The following MTFR1 variants were observed in gnomAD, a reference collection of about 807,000 sequenced individuals.
MTFR1 encodes chondrocyte protein with a poly-proline region.
Under a neutral mutation model 38.8 loss-of-function variants are expected in MTFR1, and 28 were observed. The ratio of observed to expected loss-of-function variants is 0.72; its 90% CI spans 0.53 to 0.99. The LOEUF (loss-of-function observed/expected upper bound fraction) is 0.99, where lower values mean the gene tolerates loss of function less well. Ranked by LOEUF, MTFR1 falls within the 50% of genes least tolerant of loss-of-function variation. MTFR1 has a pLI of 0.00. For missense variants in MTFR1, 358 were observed against 395.5 expected (o/e 0.91, Z 0.81); for synonymous variants, 145 against 137.0 (o/e 1.06, Z -0.41).
chr8:65,760,229 C>A (rs773525038), intron 3 of MTFR1, among the ~76,000 whole-genome samples: 1 of 152,114 alleles, frequency 6.6e-6, no homozygotes, highest in Non-Finnish European at 1.5e-5. Flanking sequence ...AAGAGTGAGA[C>A]TCCTCAAAAC....
chr8:65,707,938 G>T lies in MTFR1; in HGVS notation c.860G>T (p.Arg287Leu). 6.2e-7 allele frequency: 1 copy of T among 1,614,016 alleles called. No homozygotes were observed. The highest frequency in any genetic ancestry group is 8.5e-7 in the Non-Finnish European group (1 of 1,179,960). ...ALKKKFAYRYRSDSQDEVEKG... is the reference protein window; with the variant it reads ...ALKKKFAYRYLSDSQDEVEKG... ...AAAAAGAAATTTGCTTATCGGTATC[G>T]AAGTGATAGCCAAGATGAAGTTGAA... is the stretch of plus-strand genomic sequence containing the variant. The change falls in exon 7 of 8, where the codon CGA becomes CTA. Residue 287 changes from arginine to leucine, a missense_variant. Transcript: ENST00000262146.
At chr8:65,767,675 G>A (rs1237777017) in intron 3 of MTFR1, among the ~76,000 whole-genome samples, 1 of 152,114 alleles carries the variant, frequency 6.6e-6, no homozygotes, top group Non-Finnish European at 1.5e-5. Context: ...AAGAGGACTG[G>A]GTTCTGGGTG....
At chr8:65,658,882 T>G (rs926897469) in intron 1 of MTFR1, among the ~76,000 whole-genome samples, 9 of 151,950 alleles carry the variant, frequency 5.9e-5, no homozygotes, top group African/African-American at 2.2e-4. Context: ...GAAAAATAGG[T>G]GACAGGAAAC....
At chr8:65,772,278 C>A (rs1290583966), downstream of MTFR1, among the ~76,000 whole-genome samples, 1 of 152,152 alleles carries the variant, frequency 6.6e-6, no homozygotes, top group Admixed American at 6.5e-5. Context: ...CACCTAGAAA[C>A]TATTTTTATT....
intron 3 of MTFR1, chr8:65,747,954 CTATTT>C (rs775977019): frequency 1.9e-5 from 9 of 480,402 alleles, no homozygotes; most frequent in South Asian, 4.2e-5. Flanking sequence ...TACTTTATTT[CTATTT>C]TATTTTATTT....
chr8:65,694,330 C>A (rs1038680309), intron 4 of MTFR1, among the ~76,000 whole-genome samples: 2 of 152,046 alleles, frequency 1.3e-5, no homozygotes, highest in South Asian at 4.1e-4. Flanking sequence ...CCGCCTTGCC[C>A]TCCTAAAGTG....
At chr8:65,676,910 G>A (rs569000534) in intron 2 of MTFR1, among the ~76,000 whole-genome samples, 2 of 151,972 alleles carry the variant, frequency 1.3e-5, no homozygotes, top group Non-Finnish European at 2.9e-5. Context: ...CCTCCTTGCT[G>A]TCATCACTTT....
chr8:65,757,354 G>C (rs1026794819), intron 3 of MTFR1, among the ~76,000 whole-genome samples: 1 of 152,166 alleles, frequency 6.6e-6, no homozygotes, highest in Non-Finnish European at 1.5e-5. Context: ...AATACCACAG[G>C]TCATCCCCTG....
chr8:65,758,093 T>G lies in MTFR1; in HGVS notation c.*49-12854T>G, dbSNP rs188430783. Among the ~76,000 whole-genome samples, 12 of 152,346 alleles carry G rather than the reference T, an allele frequency of 7.9e-5. No homozygotes were observed. The East Asian group carries it at 2.3e-3, about 29-fold the overall frequency. On this transcript the variant is annotated intron_variant, in intron 3 of 3. Coordinates refer to the MTFR1 transcript ENST00000521247. The stretch of plus-strand genomic sequence containing the variant: ...TCTCTGTGCTAGTCCAGATTGCTGG[T>G]TGTAATACTAGTCTAGCAAGTGCCT...
Position 65,710,417 on chromosome 8 carries a change from T to TAACA in MTFR1, c.*1376_*1379dup, listed in dbSNP as rs1805910484. 6.6e-6 allele frequency: 1 copy of TAACA among 152,648 alleles called. No individual in the cohort carries two copies. Among genetic ancestry groups the TAACA allele is most frequent in the African/African-American group, 2.4e-5 (1 of 41,456 alleles). 9.5% of individuals were successfully genotyped at this position (152,648 alleles called of 1,614,324 possible). On this transcript the variant is annotated 3_prime_UTR_variant, in exon 8 of 8. Coordinates refer to ENST00000262146, the MANE Select transcript of MTFR1 (RefSeq NM_014637.4). ...GTTTTATATGGTTTAAAATTCTCTT[T>TAACA]AACAAAATTCAGAAAATTCACCTGA...
intron 3 of MTFR1, among the ~76,000 whole-genome samples, chr8:65,750,498 GTGTGTC>G (rs142287336): frequency 0.082 from 11,791 of 144,296 alleles, 935 homozygotes; most frequent in East Asian, 0.42. Flanking sequence ...GTGTGTGTGT[GTGTGTC>G]TGTGTGTGTC....
At chr8:65,750,717 A>C (rs1807907149) in intron 3 of MTFR1, among the ~76,000 whole-genome samples, 1 of 152,034 alleles carries the variant, frequency 6.6e-6, no homozygotes, top group Non-Finnish European at 1.5e-5. Context: ...CCATGAAATC[A>C]TGGTTGTATC....
chr8:65,710,994 G>C (rs62507639), downstream of MTFR1, among the ~76,000 whole-genome samples: 1 of 143,570 alleles, frequency 7.0e-6, no homozygotes, highest in African/African-American at 2.7e-5. Flanking sequence ...TATATATAGA[G>C]AGAGAGAGAG....
At chr8:65,724,733 CA>C in intron 3 of MTFR1, 1 of 1,508,500 alleles carries the variant, frequency 6.6e-7, no homozygotes, top group Non-Finnish European at 9.0e-7. Context: ...TTGACAGTCA[CA>C]TAATTTATCC....
intron 3 of MTFR1, chr8:65,689,522 A>G (rs1309714764): frequency 1.7e-6 from 2 of 1,193,398 alleles, no homozygotes; most frequent in Admixed American, 2.8e-5. Flanking sequence ...TTGAAAAAAA[A>G]TTTCTATCTC....
At chr8:65,694,359 G>A (rs552233977) in intron 4 of MTFR1, among the ~76,000 whole-genome samples, 1 of 152,182 alleles carries the variant, frequency 6.6e-6, no homozygotes, top group African/African-American at 2.4e-5. Flanking sequence ...ACAGACGTGA[G>A]CCACCACGCC....
At chr8:65,766,872 C>G (rs1443347874) in intron 3 of MTFR1, among the ~76,000 whole-genome samples, 1 of 152,136 alleles carries the variant, frequency 6.6e-6, no homozygotes, top group East Asian at 1.9e-4. Context: ...AGATATAGGG[C>G]AGGTCTGAGG....
intron 4 of MTFR1, among the ~76,000 whole-genome samples, chr8:65,700,024 CA>C (rs1275554458): frequency 1.3e-5 from 2 of 151,822 alleles, no homozygotes; most frequent in African/African-American, 2.4e-5. Flanking sequence ...TGATTTTTTT[CA>C]AATGCACCGA....
chr8:65,770,673 A>T (rs377410249), intron 3 of MTFR1, among the ~76,000 whole-genome samples: 1 of 152,248 alleles, frequency 6.6e-6, no homozygotes, highest in East Asian at 1.9e-4. Context: ...GTCTTTGCAC[A>T]TACATTAACA....
Sources: allele counts gnomAD v4.1 joint callset (sites outside exome capture counted in the v4.1 genomes callset), GRCh38; gene constraint gnomAD v4.1.1; transcripts MANE v1.5; gene names NCBI Gene and HGNC (gene_info 2026-07-23, HGNC 2026-07-21).